FSTL4: variants seen among roughly 807,000 people sequenced by gnomAD.
FSTL4 encodes follistatin-related protein 4.
FSTL4 carries 28 observed loss-of-function variants against 78.2 expected under a neutral mutation model. The observed-to-expected ratio is 0.36, with a 90% CI of 0.27 to 0.49. The LOEUF is 0.49. Among genes scored for constraint, FSTL4 ranks in the 20% least tolerant of loss-of-function variants. The pLI, the probability that FSTL4 is intolerant of heterozygous loss-of-function variation, is 0.98. For synonymous variants in FSTL4, 422 were observed against 440.5 expected (o/e 0.96, Z 0.53); for missense variants, 922 against 1,084.9 (o/e 0.85, Z 2.11).
the FSTL4 span, among the ~76,000 whole-genome samples, chr5:133,679,930 C>CTCT: frequency 2.0e-5 from 3 of 152,152 alleles, no homozygotes; most frequent in East Asian, 5.8e-4. Flanking sequence ...AAGAAGTCCA[C>CTCT]CCCATACTAC....
chr5:133,695,932 T>C, the FSTL4 span, among the ~76,000 whole-genome samples: 2 of 152,196 alleles, frequency 1.3e-5, no homozygotes, highest in African/African-American at 2.4e-5. Context: ...GCTGGCTCCG[T>C]TCCTGATCAG....
the FSTL4 span, among the ~76,000 whole-genome samples, chr5:133,674,796 G>A: frequency 2.0e-5 from 3 of 152,168 alleles, no homozygotes; most frequent in South Asian, 2.1e-4. Context: ...AAAGGGGAAC[G>A]TGCTCATAGG....
chr5:133,401,897 T>C (rs1756236422), intron 3 of FSTL4, among the ~76,000 whole-genome samples: 1 of 151,992 alleles, frequency 6.6e-6, no homozygotes, highest in Non-Finnish European at 1.5e-5. Context: ...TCTGGGAGAC[T>C]TGGAGAGCCA....
At chr5:133,503,857 A>G (rs1373500306) in intron 3 of FSTL4, among the ~76,000 whole-genome samples, 1 of 152,214 alleles carries the variant, frequency 6.6e-6, no homozygotes. Context: ...GAGACTGGAT[A>G]AATTATAAAG....
chr5:133,225,081 G>A lies in FSTL4; in HGVS notation c.1312+69C>T. On this transcript the variant is annotated intron_variant, in intron 10 of 15. Transcript: ENST00000265342. This position sits in a 1 kb window ranked among gnomAD's most constrained non-coding sequence, Gnocchi z 4.6. ...TTGGCAGCTGTGGCCCTGGTCAATT[G>A]GTGCCCTCCCTTGCCACCCAACACC... is the stretch of plus-strand genomic sequence containing the variant. The A allele has an allele frequency of 6.3e-7, 1 of 1,577,618 alleles. No individual in the cohort carries two copies. Among genetic ancestry groups the A allele is most frequent in the Non-Finnish European group, 8.7e-7 (1 of 1,149,416 alleles).
chr5:133,210,901 C>G (rs113475518), intron 13 of FSTL4: 3 of 152,364 alleles, frequency 2.0e-5, no homozygotes, highest in African/African-American at 7.2e-5. Context: ...GTTTTTCACT[C>G]AGGAACCAGC....
At chr5:133,616,800 G>T (rs973404172), upstream of FSTL4, among the ~76,000 whole-genome samples, 2 of 152,170 alleles carry the variant, frequency 1.3e-5, no homozygotes, top group African/African-American at 4.8e-5. Flanking sequence ...CCAACCTTCA[G>T]GGGTATAAGA....
intron 3 of FSTL4, among the ~76,000 whole-genome samples, chr5:133,422,354 G>C (rs1756715440): frequency 6.6e-6 from 1 of 152,172 alleles, no homozygotes; most frequent in African/African-American, 2.4e-5. Context: ...GAGAAGCAGG[G>C]AGGCAGCCTA....
At chr5:133,620,578 C>T in the FSTL4 span, among the ~76,000 whole-genome samples, 4 of 152,112 alleles carry the variant, frequency 2.6e-5, no homozygotes, top group Non-Finnish European at 5.9e-5. Flanking sequence ...TTAAACACAG[C>T]CTATTATGGG....
the FSTL4 span, among the ~76,000 whole-genome samples, chr5:133,712,310 G>T: frequency 2.0e-5 from 3 of 152,178 alleles, no homozygotes; most frequent in Non-Finnish European, 4.4e-5. Context: ...TGGCAATTGT[G>T]GTGCTTTATA....
intron 3 of FSTL4, among the ~76,000 whole-genome samples, chr5:133,481,815 T>C (rs777786000): frequency 2.4e-4 from 36 of 152,206 alleles, no homozygotes; most frequent in Non-Finnish European, 4.4e-4. Flanking sequence ...GGAAGAGGTC[T>C]GCTGCTGGGA....
At chr5:133,355,688 C>T (rs550049508) in intron 4 of FSTL4, among the ~76,000 whole-genome samples, 1 of 152,102 alleles carries the variant, frequency 6.6e-6, no homozygotes, top group African/African-American at 2.4e-5. Context: ...ACAAAAAGAA[C>T]AAACAACAAC....
the FSTL4 span, among the ~76,000 whole-genome samples, chr5:133,742,477 C>A: frequency 2.6e-5 from 4 of 152,174 alleles, no homozygotes; most frequent in African/African-American, 9.7e-5. Flanking sequence ...GACAGAGACA[C>A]CTACATAACT....
intron 6 of FSTL4, among the ~76,000 whole-genome samples, chr5:133,259,328 C>G (rs1752458175): frequency 6.6e-6 from 1 of 151,704 alleles, no homozygotes; most frequent in African/African-American, 2.4e-5. Flanking sequence ...GGTCTTGAGG[C>G]AGGGTGGGGG....
chr5:133,549,720 C>A (rs1759655159), intron 3 of FSTL4, among the ~76,000 whole-genome samples: 1 of 152,162 alleles, frequency 6.6e-6, no homozygotes, highest in African/African-American at 2.4e-5. Context: ...ACACTATCAA[C>A]CAGGACTGTT....
chr5:133,358,201 T>C (rs1354256398), intron 4 of FSTL4, among the ~76,000 whole-genome samples: 1 of 152,140 alleles, frequency 6.6e-6, no homozygotes, highest in South Asian at 2.1e-4. Context: ...TAATCCAGGA[T>C]AAACTCCCCT....
At chr5:133,433,838 T>C (rs2126997855) in intron 3 of FSTL4, among the ~76,000 whole-genome samples, 1 of 151,960 alleles carries the variant, frequency 6.6e-6, no homozygotes, top group East Asian at 1.9e-4. Flanking sequence ...AGTGCAGGTG[T>C]CTGGGCCAAG....
chr5:133,677,969 A>G, the FSTL4 span, among the ~76,000 whole-genome samples: 1 of 152,212 alleles, frequency 6.6e-6, no homozygotes, highest in Non-Finnish European at 1.5e-5. Context: ...CAAGTGCAAC[A>G]TGATGTTTTG....
intron 3 of FSTL4, among the ~76,000 whole-genome samples, chr5:133,476,985 G>A (rs185521911): frequency 2.4e-4 from 37 of 152,340 alleles, no homozygotes; most frequent in African/African-American, 8.7e-4. Context: ...GGGTGGGGCT[G>A]CATCTGGCAC....
Sources: gnomAD v4.1 joint callset for allele counts (sites outside exome capture counted in the v4.1 genomes callset) on GRCh38, gnomAD v4.1.1 for gene constraint, Gnocchi (gnomAD v3.1) non-coding constraint, MANE v1.5 for transcripts, NCBI Gene and HGNC (gene_info 2026-07-23, HGNC 2026-07-21) for gene names.